Variants in RIMS1 observed in about 807,000 individuals in gnomAD.
The protein encoded by RIMS1 is regulating synaptic membrane exocytosis protein 1.
Under a neutral mutation model 214.1 loss-of-function variants are expected in RIMS1, and 83 were observed. That is an observed-to-expected ratio of 0.39 (90% CI 0.32 to 0.47). RIMS1 has a LOEUF of 0.47. Ranked by LOEUF, RIMS1 falls within the 20% of genes least tolerant of loss-of-function variation. RIMS1 has a pLI of 0.99. For synonymous variants in RIMS1, 793 were observed against 786.8 expected (o/e 1.01, Z -0.13); for missense variants, 2,050 against 2,161.8 (o/e 0.95, Z 1.03).
intron 29 of RIMS1, among the ~76,000 whole-genome samples, chr6:72,338,294 A>G (rs541236248): frequency 0.012 from 1,865 of 151,512 alleles, 29 homozygotes; most frequent in African/African-American, 0.042. Flanking sequence ...TAACTGGTGT[A>G]AGATGGTATC....
chr6:72,205,787 A>ATAT (rs1349226378), intron 6 of RIMS1, among the ~76,000 whole-genome samples: 1 of 152,170 alleles, frequency 6.6e-6, no homozygotes, highest in African/African-American at 2.4e-5. Context: ...AAACTCTATA[A>ATAT]TATAAACACT....
At position 72,065,114 on chromosome 6, in the gene RIMS1, G is replaced by A. The variant is rs182512365; in HGVS notation, c.246-31835G>A. On this transcript the variant is annotated intron_variant, in intron 2 of 33. Transcript: ENST00000521978. The stretch of plus-strand genomic sequence containing the variant: ...ATCTGTGATTAGAGAACATGTCCTG[G>A]TGAAAGGTGCAGGGAAGTCTTCCAT... Among the ~76,000 whole-genome samples, 18 of 152,260 alleles carry A rather than the reference G, an allele frequency of 1.2e-4. No homozygotes were observed. The East Asian group carries it at 3.5e-3, about 29-fold the overall frequency.
intron 2 of RIMS1, among the ~76,000 whole-genome samples, chr6:72,003,936 G>A (rs1806325234): frequency 6.7e-6 from 1 of 149,532 alleles, no homozygotes; most frequent in South Asian, 2.1e-4. Context: ...AGTTACATAT[G>A]TATACATGTG....
At chr6:71,889,649 AT>A (rs368506798) in intron 1 of RIMS1, among the ~76,000 whole-genome samples, 3,159 of 151,680 alleles carry the variant, frequency 0.021, 109 homozygotes, top group African/African-American at 0.072. Flanking sequence ...AAGTGCTGTA[AT>A]TTTTTTTTAT....
intron 15 of RIMS1, among the ~76,000 whole-genome samples, 180 bp from the exon 16 acceptor site, chr6:72,252,581 T>C (rs868855605): frequency 1.9e-4 from 29 of 152,340 alleles, no homozygotes; most frequent in Admixed American, 7.9e-4. Context: ...AAAATACTGA[T>C]AAAATGTTAT....
intron 2 of RIMS1, among the ~76,000 whole-genome samples, chr6:71,990,671 T>G (rs1801330209): frequency 6.6e-6 from 1 of 151,290 alleles, no homozygotes; most frequent in South Asian, 2.1e-4. Flanking sequence ...GGCTGAAAAG[T>G]GAGGAGAAGC....
At chr6:71,919,102 G>A (rs1779250183) in intron 1 of RIMS1, among the ~76,000 whole-genome samples, 1 of 152,134 alleles carries the variant, frequency 6.6e-6, no homozygotes. Context: ...TATTGGAGGA[G>A]GAAGAGTTTG....
intron 19 of RIMS1, chr6:72,264,070 C>T: frequency 1.2e-6 from 1 of 821,064 alleles, no homozygotes; most frequent in Non-Finnish European, 1.5e-6. Context: ...TTGATTTGAT[C>T]ATTAATATAA....
chr6:72,221,291 A>AGAGTGTGTGT (rs1554289629), intron 6 of RIMS1, among the ~76,000 whole-genome samples: 31 of 138,584 alleles, frequency 2.2e-4, no homozygotes, highest in African/African-American at 7.9e-4. Context: ...ATCTGGGGTG[A>AGAGTGTGTGT]GTGTGTGTGT....
At chr6:72,379,669 C>A (rs1268401986) in intron 29 of RIMS1, among the ~76,000 whole-genome samples, 7 of 152,190 alleles carry the variant, frequency 4.6e-5, no homozygotes, top group Non-Finnish European at 7.3e-5. Context: ...CAGGCACTTT[C>A]CTGAGTGCTT....
In RIMS1 at chr6:71,935,957, C is replaced by G. The variant is rs867877872; in HGVS notation, c.165-33026C>G. Among the ~76,000 whole-genome samples the G allele has an allele frequency of 1.7e-4, 26 of 152,110 alleles. 1 individual carries two copies. Among genetic ancestry groups the G allele is most frequent in the African/African-American group, 5.3e-4 (22 of 41,418 alleles). ...CATGGCTGTTTATGCTGGAAGCTGA[C>G]CAGGTAACTTCTCCAGTTCATATCT... is the stretch of plus-strand genomic sequence containing the variant. On this transcript the variant is annotated intron_variant, in intron 1 of 33. Coordinates refer to ENST00000521978, the MANE Select transcript of RIMS1 (RefSeq NM_014989.7).
chr6:71,942,504 G>A (rs1786473216), intron 1 of RIMS1, among the ~76,000 whole-genome samples: 1 of 151,874 alleles, frequency 6.6e-6, no homozygotes, highest in Non-Finnish European at 1.5e-5. Flanking sequence ...AAAATACTTT[G>A]TTATTTTTCC....
chr6:72,316,195 C>A (rs1252158551), intron 28 of RIMS1, among the ~76,000 whole-genome samples: 1 of 152,174 alleles, frequency 6.6e-6, no homozygotes, highest in Admixed American at 6.5e-5. Context: ...GGTGCTACCT[C>A]CTTCCCAGAC....
chr6:72,400,898 A>C lies in RIMS1; in HGVS notation c.*184A>C. On this transcript the variant is annotated 3_prime_UTR_variant, in exon 34 of 34. Coordinates refer to ENST00000521978, the MANE Select transcript of RIMS1 (RefSeq NM_014989.7). ...ATGGCTTCATATGACAGAACAAGGC[A>C]ATCTATCAAATTTACAGGAAGAATC... The C allele has an allele frequency of 1.8e-6, 1 of 552,706 alleles. No homozygotes were observed. Among genetic ancestry groups the C allele is most frequent in the Non-Finnish European group, 3.2e-6 (1 of 312,148 alleles). The allele number at this position is 552,706 out of a possible 1,614,324, so 34.2% of individuals were successfully genotyped here.
At chr6:72,021,113 C>T (rs1414766749) in intron 2 of RIMS1, among the ~76,000 whole-genome samples, 4 of 152,196 alleles carry the variant, frequency 2.6e-5, no homozygotes, top group Non-Finnish European at 1.5e-5. Context: ...AGTTAATGAT[C>T]TTGCCCCATA....
intron 2 of RIMS1, among the ~76,000 whole-genome samples, chr6:72,006,163 A>G (rs1031989321): frequency 5.9e-5 from 9 of 152,154 alleles, no homozygotes; most frequent in African/African-American, 1.9e-4. Context: ...TCCATTCATA[A>G]GGGCTCTGCC....
chr6:72,095,125 T>TTTTA (rs1554221956), intron 2 of RIMS1, among the ~76,000 whole-genome samples: 1 of 144,820 alleles, frequency 6.9e-6, no homozygotes, highest in Non-Finnish European at 1.5e-5. Flanking sequence ...TATTTTTTTT[T>TTTTA]TTTTTTTTTT....
intron 26 of RIMS1, among the ~76,000 whole-genome samples, chr6:72,294,096 G>A (rs1436819534): frequency 2.0e-5 from 3 of 151,484 alleles, no homozygotes; most frequent in Non-Finnish European, 4.4e-5. Context: ...ATATAAATAT[G>A]TGCTTTAGGA....
At chr6:71,938,141 G>A (rs185310677) in intron 1 of RIMS1, among the ~76,000 whole-genome samples, 2 of 152,294 alleles carry the variant, frequency 1.3e-5, no homozygotes, top group African/African-American at 2.4e-5. Flanking sequence ...ACCCAAGAGT[G>A]TAAACAAAAT....
Sources: allele counts gnomAD v4.1 joint callset (sites outside exome capture counted in the v4.1 genomes callset), GRCh38; gene constraint gnomAD v4.1.1; transcripts MANE v1.5; gene names NCBI Gene and HGNC (gene_info 2026-07-23, HGNC 2026-07-21).